Variants in PLCB4 observed in about 807,000 individuals in gnomAD.
The protein encoded by PLCB4 is phospholipase C beta 4, also known as 1-phosphatidylinositol 4,5-bisphosphate phosphodiesterase beta-4.
PLCB4 carries 77 observed loss-of-function variants against 178.8 expected under a neutral mutation model. That is an observed-to-expected ratio of 0.43 (90% CI 0.36 to 0.52). PLCB4 has a LOEUF of 0.52. Ranked by LOEUF, PLCB4 falls within the 20% of genes least tolerant of loss-of-function variation. The pLI is 0.00. For missense variants in PLCB4, 1,024 were observed against 1,453.4 expected (o/e 0.70, Z 4.80); for synonymous variants, 496 against 490.8 (o/e 1.01, Z -0.14).
At chr20:9,415,999 A>G (rs2040217949) in intron 25 of PLCB4, among the ~76,000 whole-genome samples, 1 of 152,184 alleles carries the variant, frequency 6.6e-6, no homozygotes, top group Non-Finnish European at 1.5e-5. Context: ...CTTCAAAGAA[A>G]GCTTGCTAAG....
intron 2 of PLCB4, among the ~76,000 whole-genome samples, chr20:9,203,777 GTTTTTTTTTTT>G (rs553691545): frequency 1.9e-3 from 193 of 101,702 alleles, no homozygotes; most frequent in African/African-American, 6.2e-3. Flanking sequence ...TGGGAATAGT[GTTTTTTTTTTT>G]TTTTTTTTTT....
chr20:9,168,041 G>A (rs1349864248), intron 2 of PLCB4, among the ~76,000 whole-genome samples: 1 of 152,172 alleles, frequency 6.6e-6, no homozygotes, highest in East Asian at 1.9e-4. Flanking sequence ...AGCAGGGACA[G>A]TGGCCTAAGA....
At chr20:9,347,092 A>C (rs2033872402) in intron 7 of PLCB4, among the ~76,000 whole-genome samples, 1 of 152,168 alleles carries the variant, frequency 6.6e-6, no homozygotes, top group African/African-American at 2.4e-5. Flanking sequence ...TTTAGACCAG[A>C]TTTTGTGAAC....
chr20:9,107,357 T>A (rs575089607), intron 2 of PLCB4, among the ~76,000 whole-genome samples: 1 of 152,306 alleles, frequency 6.6e-6, no homozygotes, highest in African/African-American at 2.4e-5. Context: ...ATATTGTTAC[T>A]GATTATCATT....
rs2148437828 is a variant in PLCB4 at position 9,395,551 on chromosome 20, G to T, written c.1443G>T (p.Met481Ile). Residue 481 changes from methionine (M) to isoleucine (I), a missense_variant, in exon 19 of 40, where the codon ATG (methionine) becomes ATT (isoleucine). Transcript: ENST00000378473. ...KKQLEALRSM[M>I]EAGESASPAN... ...AGCTGGAAGCTTTGAGAAGCATGAT[G>T]GAAGCTGGAGAATCTGCCTCCCCAG... 6.2e-7 allele frequency: 1 copy of T among 1,613,752 alleles called. No homozygotes were observed. Among genetic ancestry groups the T allele is most frequent in the South Asian group, 1.1e-5 (1 of 91,080 alleles).
chr20:9,380,975 A>G (rs2037094225), intron 13 of PLCB4, among the ~76,000 whole-genome samples: 1 of 152,050 alleles, frequency 6.6e-6, no homozygotes, highest in Admixed American at 6.6e-5. Context: ...GTGTGGTTGA[A>G]TGGTCTGTAT....
chr20:9,115,511 T>C (rs952637452), intron 2 of PLCB4, among the ~76,000 whole-genome samples: 3 of 151,372 alleles, frequency 2.0e-5, no homozygotes, highest in Non-Finnish European at 2.9e-5. Context: ...ATGTGCCATG[T>C]TGTTGTGCTG....
At chr20:9,320,912 C>G (rs1663371055) in intron 4 of PLCB4, among the ~76,000 whole-genome samples, 1 of 152,034 alleles carries the variant, frequency 6.6e-6, no homozygotes, top group Non-Finnish European at 1.5e-5. Flanking sequence ...TTTTAAGAGC[C>G]CTCTCAGTGA....
intron 2 of PLCB4, among the ~76,000 whole-genome samples, chr20:9,132,917 C>T (rs948098529): frequency 6.6e-6 from 1 of 152,116 alleles, no homozygotes; most frequent in Non-Finnish European, 1.5e-5. Context: ...AGAGATGCTA[C>T]TATTTTCTAG....
chr20:9,295,338 T>C (rs2094621592), intron 3 of PLCB4, among the ~76,000 whole-genome samples: 1 of 152,160 alleles, frequency 6.6e-6, no homozygotes, highest in Non-Finnish European at 1.5e-5. Flanking sequence ...CTGTTAGTTC[T>C]GTACTTGAAA....
At chr20:9,362,869 C>T (rs1406825611) in intron 7 of PLCB4, 27 bp from the exon 8 acceptor site, 2 of 1,522,978 alleles carry the variant, frequency 1.3e-6, no homozygotes, top group East Asian at 2.3e-5. Context: ...ATTTGCTCAC[C>T]AAGAATATTT....
intron 3 of PLCB4, among the ~76,000 whole-genome samples, chr20:9,298,464 T>C (rs1404549662): frequency 6.6e-6 from 1 of 152,060 alleles, no homozygotes; most frequent in Admixed American, 6.6e-5. Flanking sequence ...TTGACAGTTA[T>C]TCATTATATT....
chr20:9,349,182 T>C (rs1410492527), intron 7 of PLCB4, among the ~76,000 whole-genome samples: 1 of 152,144 alleles, frequency 6.6e-6, no homozygotes, highest in Non-Finnish European at 1.5e-5. Context: ...AAGTGAACAA[T>C]TCAGTGCCAT....
At chr20:9,175,995 T>C (rs2093148371) in intron 2 of PLCB4, among the ~76,000 whole-genome samples, 1 of 152,154 alleles carries the variant, frequency 6.6e-6, no homozygotes, top group African/African-American at 2.4e-5. Flanking sequence ...GAAAGCTTGT[T>C]CCAGTCTTCT....
chr20:9,329,555 C>G (rs2031316232), intron 4 of PLCB4, among the ~76,000 whole-genome samples: 1 of 152,160 alleles, frequency 6.6e-6, no homozygotes, highest in Admixed American at 6.5e-5. Context: ...CGGCATCTCC[C>G]TGTTGGATTC....
intron 3 of PLCB4, among the ~76,000 whole-genome samples, chr20:9,286,712 C>T (rs1046129045): frequency 5.9e-5 from 9 of 152,032 alleles, no homozygotes; most frequent in African/African-American, 2.2e-4. Context: ...CATTCTGAGT[C>T]ATGACCTCAT....
At chr20:9,393,531 AAGG>A in intron 17 of PLCB4, 54 bp from the exon 18 acceptor site, 1 of 1,179,546 alleles carries the variant, frequency 8.5e-7, no homozygotes, top group African/African-American at 1.5e-5. Flanking sequence ...CTGGACTGGG[AAGG>A]AGAATGGAGA....
intron 7 of PLCB4, among the ~76,000 whole-genome samples, chr20:9,348,408 CA>C (rs2034019926): frequency 6.6e-6 from 1 of 152,116 alleles, no homozygotes; most frequent in African/African-American, 2.4e-5. Context: ...TACAGCTAAT[CA>C]GAAATTGAGG....
intron 3 of PLCB4, among the ~76,000 whole-genome samples, chr20:9,230,690 A>G (rs2093922382): frequency 6.6e-6 from 1 of 152,138 alleles, no homozygotes; most frequent in South Asian, 2.1e-4. Context: ...ACTGCCAAGT[A>G]TGCTGAGGGC....
Sources: allele counts gnomAD v4.1 joint callset (sites outside exome capture counted in the v4.1 genomes callset), GRCh38; gene constraint gnomAD v4.1.1; transcripts MANE v1.5; gene names NCBI Gene and HGNC (gene_info 2026-07-23, HGNC 2026-07-21).